NKAIN2: variants seen among roughly 807,000 people sequenced by gnomAD.
The protein encoded by NKAIN2 is sodium/potassium transporting ATPase interacting 2, also known as sodium/potassium-transporting ATPase subunit beta-1-interacting protein 2.
Under a neutral mutation model 32.6 loss-of-function variants are expected in NKAIN2, and 14 were observed. That is an observed-to-expected ratio of 0.43 (90% CI 0.28 to 0.67). The LOEUF (loss-of-function observed/expected upper bound fraction) is 0.67, where lower values mean the gene tolerates loss of function less well. Among genes scored for constraint, NKAIN2 ranks in the 30% least tolerant of loss-of-function variants. The probability of loss-of-function intolerance (pLI) is 0.17; values close to 1 mark genes in which losing one functional copy is unlikely to be tolerated. For synonymous variants in NKAIN2, 80 were observed against 87.2 expected, an observed-to-expected ratio of 0.92 and a Z score of 0.46; for missense variants, 198 against 258.3, an observed-to-expected ratio of 0.77 and a Z score of 1.60.
chr6:124,024,371 T>TTA, intron 1 of NKAIN2, among the ~76,000 whole-genome samples: 1 of 152,112 alleles, frequency 6.6e-6, no homozygotes, highest in East Asian at 1.9e-4. Context: ...ATGCATAACG[T>TTA]GAATTTTAGA....
At chr6:124,527,015 T>A (rs1779344929) in intron 3 of NKAIN2, among the ~76,000 whole-genome samples, 1 of 152,152 alleles carries the variant, frequency 6.6e-6, no homozygotes. Context: ...AGTACTTAAC[T>A]ACTATGTTAC....
At chr6:124,151,141 A>C (rs2114392346) in intron 1 of NKAIN2, among the ~76,000 whole-genome samples, 1 of 151,982 alleles carries the variant, frequency 6.6e-6, no homozygotes, top group South Asian at 2.1e-4. Flanking sequence ...ACCCATGTAT[A>C]TTTGACTAGG....
At chr6:124,273,281 C>T (rs565506598) in intron 1 of NKAIN2, among the ~76,000 whole-genome samples, 227 of 146,486 alleles carry the variant, frequency 1.5e-3, no homozygotes, top group Non-Finnish European at 2.3e-3. Flanking sequence ...GGGCAGTTTC[C>T]CCCATGCTGT....
chr6:124,308,515 G>A (rs1048860782), intron 2 of NKAIN2, among the ~76,000 whole-genome samples: 31 of 152,098 alleles, frequency 2.0e-4, no homozygotes, highest in African/African-American at 7.5e-4. Flanking sequence ...AATATTTCCT[G>A]AGTAGTTATT....
intron 3 of NKAIN2, among the ~76,000 whole-genome samples, chr6:124,402,483 T>A (rs1773665573): frequency 6.6e-6 from 1 of 152,208 alleles, no homozygotes; most frequent in Non-Finnish European, 1.5e-5. Context: ...TTGTCTATCC[T>A]CATGCCAAAC....
intron 1 of NKAIN2, among the ~76,000 whole-genome samples, chr6:124,181,883 A>T (rs934096857): frequency 7.9e-5 from 12 of 152,048 alleles, no homozygotes; most frequent in African/African-American, 2.2e-4. Flanking sequence ...AGCCCTTCAA[A>T]CTGTTCCAAC....
At chr6:124,072,688 A>G (rs1361130804) in intron 1 of NKAIN2, among the ~76,000 whole-genome samples, 2 of 152,142 alleles carry the variant, frequency 1.3e-5, no homozygotes, top group Non-Finnish European at 2.9e-5. Context: ...GACTCACTCT[A>G]TAAAAATGCT....
chr6:124,015,451 T>C (rs1780522974), intron 1 of NKAIN2, among the ~76,000 whole-genome samples: 1 of 152,208 alleles, frequency 6.6e-6, no homozygotes, highest in African/African-American at 2.4e-5. Flanking sequence ...TTCTCTTAAG[T>C]CTTTAGATTG....
chr6:124,187,275 T>C (rs1789792047), intron 1 of NKAIN2, among the ~76,000 whole-genome samples: 1 of 152,218 alleles, frequency 6.6e-6, no homozygotes, highest in African/African-American at 2.4e-5. Context: ...TTTGACTTTA[T>C]GCCTACTAGT....
At chr6:124,467,916 A>C (rs1776827414) in intron 3 of NKAIN2, among the ~76,000 whole-genome samples, 1 of 152,084 alleles carries the variant, frequency 6.6e-6, no homozygotes, top group South Asian at 2.1e-4. Flanking sequence ...GCCTTAGATA[A>C]ATTATTTAAC....
chr6:123,933,461 A>G (rs1219549109), intron 1 of NKAIN2, among the ~76,000 whole-genome samples: 1 of 152,184 alleles, frequency 6.6e-6, no homozygotes, highest in African/African-American at 2.4e-5. Flanking sequence ...AACTATCTCA[A>G]CTGATTTAAC....
intron 4 of NKAIN2, among the ~76,000 whole-genome samples, chr6:124,721,191 A>C (rs371387239): frequency 0.016 from 2,388 of 152,128 alleles, 31 homozygotes; most frequent in Middle Eastern, 0.034. Context: ...CCGAGGCGGG[A>C]GGATCACGAG....
chr6:124,228,752 C>A (rs191334520), intron 1 of NKAIN2, among the ~76,000 whole-genome samples: 2 of 152,170 alleles, frequency 1.3e-5, no homozygotes, highest in Admixed American at 1.3e-4. Context: ...ATTGCCAGCC[C>A]TTTTTCTGTT....
At chr6:124,064,493 T>TG (rs1162802939) in intron 1 of NKAIN2, among the ~76,000 whole-genome samples, 1 of 151,932 alleles carries the variant, frequency 6.6e-6, no homozygotes, top group African/African-American at 2.4e-5. Flanking sequence ...GTTTTTTTTT[T>TG]CCAGAAACAT....
chr6:124,180,895 G>A (rs1052305121), intron 1 of NKAIN2, among the ~76,000 whole-genome samples: 14 of 152,102 alleles, frequency 9.2e-5, no homozygotes, highest in Non-Finnish European at 1.8e-4. Context: ...GGGGTCTGGA[G>A]GATGGTGGCC....
chr6:124,014,043 T>A (rs1323017704), intron 1 of NKAIN2, among the ~76,000 whole-genome samples: 2 of 152,184 alleles, frequency 1.3e-5, no homozygotes, highest in African/African-American at 2.4e-5. Context: ...ACTAGGTGTG[T>A]AATAATTTGC....
chr6:124,279,364 A>G (rs7747744), intron 1 of NKAIN2, among the ~76,000 whole-genome samples: 28,681 of 151,728 alleles, frequency 0.19, 2,972 homozygotes, highest in East Asian at 0.26. Flanking sequence ...AAAATTAGCC[A>G]GGTGTGGTGG....
At chr6:124,599,440 A>C (rs2114977496) in intron 3 of NKAIN2, among the ~76,000 whole-genome samples, 1 of 152,252 alleles carries the variant, frequency 6.6e-6, no homozygotes, top group Admixed American at 6.6e-5. Flanking sequence ...CTATTCCCTA[A>C]GCCTCACTAT....
chr6:124,813,065 T>C (rs908501605), intron 5 of NKAIN2, among the ~76,000 whole-genome samples: 10 of 151,794 alleles, frequency 6.6e-5, no homozygotes, highest in Non-Finnish European at 1.2e-4. Context: ...AAGATGGGGA[T>C]GAGAATATAA....
Sources: allele counts gnomAD v4.1 joint callset (sites outside exome capture counted in the v4.1 genomes callset), GRCh38; gene constraint gnomAD v4.1.1; transcripts MANE v1.5; gene names NCBI Gene and HGNC (gene_info 2026-07-23, HGNC 2026-07-21).